CHD5: variants seen among roughly 807,000 people sequenced by gnomAD.
The protein encoded by CHD5 is chromodomain helicase DNA binding protein 5.
A neutral mutation model predicts 230.3 loss-of-function variants in CHD5; 69 were observed. The ratio of observed to expected loss-of-function variants is 0.30; its 90% confidence interval spans 0.25 to 0.37. CHD5 has a LOEUF of 0.37. CHD5 is among the 10% of genes least tolerant of loss of function. The pLI is 1.00. For synonymous variants in CHD5, 1,064 were observed against 1,065.9 expected, an observed-to-expected ratio of 1.00 and a Z score of 0.03; for missense variants, 1,827 against 2,622.8, an observed-to-expected ratio of 0.70 and a Z score of 6.63.
In CHD5 at chr1:6,125,835, T is replaced by C; in HGVS notation, c.4102A>G (p.Asn1368Asp). 6.2e-7 allele frequency: 1 copy of C among 1,612,908 alleles called. No individual in the cohort carries two copies. The highest frequency in any genetic ancestry group is 8.5e-7 in the Non-Finnish European group (1 of 1,179,880). Residue 1368 changes from asparagine (N) to aspartate (D), a missense_variant, in exon 27 of 42, where the codon AAC becomes GAC. Asn to Asp is a conservative substitution (Grantham distance 23). Transcript: ENST00000262450. This position sits in a 1 kb window ranked among gnomAD's most constrained non-coding sequence, Gnocchi z 6.7. ...GAGCCAATGGAATATTCTGACTGGT[T>C]ATCAGAGAGCTCATCCTGCCACTCT... ...DQEWQDELSD[N>D]QSEYSIGSED...
rs182020545 is a variant in CHD5 at position 6,160,121 on chromosome 1, G to A, written c.208-606C>T. Among the ~76,000 whole-genome samples, 1,206 of 130,246 alleles carry A rather than the reference G, an allele frequency of 9.3e-3. 5 individuals carry two copies. The East Asian group carries it at 0.18, about 19-fold the overall frequency. 85.4% of individuals were successfully genotyped at this position (130,246 alleles called of 152,430 possible). A position where few individuals can be genotyped will look rare whatever the true frequency, so the allele number is the denominator to read the frequency against. ...GAACCCCAGCCAGGGAAGGGCCCCA[G>A]CCAGGGAAGGGCCCCAGCCAGGGAA... On this transcript the variant is annotated intron_variant, in intron 2 of 41. Coordinates refer to ENST00000262450, the MANE Select transcript of CHD5 (RefSeq NM_015557.3).
intron 2 of CHD5, among the ~76,000 whole-genome samples, chr1:6,160,599 G>A (rs1667160940): frequency 6.6e-6 from 1 of 152,296 alleles, no homozygotes; most frequent in Admixed American, 6.5e-5. Flanking sequence ...CGTTCGTCAG[G>A]TGAAACCTGT....
rs1666664497 is a variant in CHD5 at position 6,131,928 on chromosome 1, T to C, written c.3145-180A>G. On this transcript the variant is annotated intron_variant, in intron 20 of 41. Transcript: ENST00000262450. This position sits in a 1 kb window ranked among gnomAD's most constrained non-coding sequence, Gnocchi z 5.0. ...AGAACAAAGCTTCCAACCTCACCCCTTGGAGCCAATCCATCCTCCTGCCTA... is the reference window on the plus strand; with the variant it reads ...AGAACAAAGCTTCCAACCTCACCCCCTGGAGCCAATCCATCCTCCTGCCTA... Among the ~76,000 whole-genome samples, 1 of 152,180 alleles carries C rather than the reference T, an allele frequency of 6.6e-6. No individual in the cohort carries two copies. The highest frequency in any genetic ancestry group is 2.4e-5 in the African/African-American group (1 of 41,446).
At position 6,146,862 on chromosome 1, in the gene CHD5, G is replaced by A; in HGVS notation, c.1393C>T (p.Leu465=). Residue 465 remains leucine (L), a synonymous_variant, in exon 10 of 42, where the codon CTG becomes TTG. Coordinates refer to ENST00000262450, the MANE Select transcript of CHD5 (RefSeq NM_015557.3). This position sits in a 1 kb window ranked among gnomAD's most constrained non-coding sequence, Gnocchi z 5.1. ...WLCPRCTCPP[L]KGKVQRILHW... is the part of the protein sequence containing the mutation. ...AGAATCCGCTGGACTTTGCCCTTCA[G>A]TGGGGGGCACTGTGGACAGAGAAGG... The A allele has an allele frequency of 3.3e-6, 5 of 1,512,690 alleles. No individual in the cohort carries two copies. Among genetic ancestry groups the A allele is most frequent in the Non-Finnish European group, 4.4e-6 (5 of 1,127,918 alleles). 93.7% of individuals were successfully genotyped at this position (1,512,690 alleles called of 1,614,324 possible). A position where few individuals can be genotyped will look rare whatever the true frequency, so the allele number is the denominator to read the frequency against.
chr1:6,117,054 C>T (rs186558359), intron 33 of CHD5, among the ~76,000 whole-genome samples: 1 of 151,766 alleles, frequency 6.6e-6, no homozygotes, highest in Admixed American at 6.6e-5. Flanking sequence ...GTTAAGAGTA[C>T]AGAATGAAAT....
intron 38 of CHD5, among the ~76,000 whole-genome samples, chr1:6,107,520 GCGGT>G (rs1666204357): frequency 7.1e-6 from 1 of 140,922 alleles, no homozygotes; most frequent in Non-Finnish European, 1.5e-5. Flanking sequence ...GAGGGATGGA[GCGGT>G]GGAGAGATGG....
intron 1 of CHD5, among the ~76,000 whole-genome samples, chr1:6,170,668 G>A (rs1667323273): frequency 6.6e-6 from 1 of 152,230 alleles, no homozygotes; most frequent in Admixed American, 6.5e-5. Flanking sequence ...GCCGCCCCAG[G>A]TGGGTTTATG....
At chr1:6,116,722 T>C (rs1160185205) in intron 33 of CHD5, among the ~76,000 whole-genome samples, 1 of 152,206 alleles carries the variant, frequency 6.6e-6, no homozygotes, top group African/African-American at 2.4e-5. Flanking sequence ...GTACTAACTA[T>C]TCAAGAGTAA....
At position 6,146,336 on chromosome 1, in the gene CHD5, C is replaced by A; in HGVS notation, c.1678G>T (p.Asp560Tyr). The A allele has an allele frequency of 6.2e-7, 1 of 1,614,186 alleles. No homozygotes were observed. The highest frequency in any genetic ancestry group is 8.5e-7 in the Non-Finnish European group (1 of 1,180,014). ...EPPPFDYGSGDEDGKSEKRKN... is the reference protein window; with the variant it reads ...EPPPFDYGSGYEDGKSEKRKN... Reference sequence around the variant, plus strand: ...CTCTTCTCGCTCTTGCCGTCTTCATCCCCAGAGCCGTAGTCAAAGGGGGGC... The same window carrying A: ...CTCTTCTCGCTCTTGCCGTCTTCATACCCAGAGCCGTAGTCAAAGGGGGGC... The change falls in exon 11 of 42, where the codon GAT becomes TAT. Residue 560 changes from aspartate (D) to tyrosine (Y), a missense_variant. Transcript: ENST00000262450. The surrounding 1 kb of genome is among the most constrained non-coding windows in gnomAD (Gnocchi z 5.1).
chr1:6,160,549 C>G (rs533259701), intron 2 of CHD5, among the ~76,000 whole-genome samples: 70 of 152,388 alleles, frequency 4.6e-4, no homozygotes, highest in African/African-American at 1.6e-3. Context: ...CAGGCCCCAG[C>G]GCCACAGCTC....
rs1031774646 is a variant in CHD5 at position 6,149,672 on chromosome 1, GGATA to G, written c.995-264_995-261del. Among the ~76,000 whole-genome samples, 92 of 152,088 alleles carry G rather than the reference GGATA, an allele frequency of 6.0e-4. 1 individual carries two copies. Among genetic ancestry groups the G allele is most frequent in the African/African-American group, 2.1e-3 (87 of 41,448 alleles). The stretch of plus-strand genomic sequence containing the variant: ...ATGAATGGATAAATGGATGATGGAT[GGATA>G]GACAAATGGATGGATAGATGAATGG... On this transcript the variant is annotated intron_variant, in intron 7 of 41. Transcript: ENST00000262450.
chr1:6,110,418 G>A lies in CHD5; in HGVS notation c.5358C>T (p.Asn1786=), dbSNP rs1342722149. ...VHKGNYLEMK[N]KFLARRFKLL... ...CCTTAAACCTGCGGGCCAGGAACTT[G>A]TTCTTCATCTCCAGGTAGTTGCCCT... The change falls in exon 37 of 42, where the codon AAC becomes AAT. Residue 1786 remains asparagine, a synonymous_variant. Transcript: ENST00000262450. 5 of 1,614,024 alleles carry A rather than the reference G, an allele frequency of 3.1e-6. No individual in the cohort carries two copies. The South Asian group carries it at 5.5e-5, about 18-fold the overall frequency.
chr1:6,148,330 T>C (rs1571159931), intron 9 of CHD5, among the ~76,000 whole-genome samples: 2 of 151,560 alleles, frequency 1.3e-5, no homozygotes, highest in South Asian at 4.2e-4. Context: ...CCTCCTGCCC[T>C]AGAAGCCTCC....
intron 36 of CHD5, among the ~76,000 whole-genome samples, chr1:6,110,821 T>C (rs987474768): frequency 6.6e-6 from 1 of 152,180 alleles, no homozygotes; most frequent in African/African-American, 2.4e-5. Flanking sequence ...CCCCAGTGCC[T>C]GTGAATGGGA....
intron 38 of CHD5, among the ~76,000 whole-genome samples, chr1:6,107,774 TGGAG>T (rs1666215885): frequency 1.3e-5 from 1 of 77,998 alleles, no homozygotes; most frequent in African/African-American, 5.9e-5. Context: ...GATGGAGGGA[TGGAG>T]GGATGATGGA....
At chr1:6,119,027 T>C (rs1187051888) in intron 33 of CHD5, among the ~76,000 whole-genome samples, 1 of 150,402 alleles carries the variant, frequency 6.6e-6, no homozygotes, top group Non-Finnish European at 1.5e-5. Flanking sequence ...GGCTCAACTG[T>C]ATGATATGTT....
intron 12 of CHD5, 33 bp from the exon 13 acceptor site, chr1:6,143,964 G>C: frequency 6.2e-7 from 1 of 1,614,114 alleles, no homozygotes. Flanking sequence ...GGTGAGCAAG[G>C]CTCAGCCCAG....
At chr1:6,162,733 G>C (rs948954727) in intron 2 of CHD5, among the ~76,000 whole-genome samples, 9 of 152,216 alleles carry the variant, frequency 5.9e-5, no homozygotes, top group African/African-American at 2.2e-4. Flanking sequence ...CGACAAGCTG[G>C]AGGGGACACA....
chr1:6,130,312 C>T lies in CHD5; in HGVS notation c.3279G>A (p.Gln1093=), dbSNP rs768793905. 1.2e-6 allele frequency: 2 copies of T among 1,613,824 alleles called. No individual in the cohort carries two copies. The highest frequency in any genetic ancestry group is 1.7e-6 in the Non-Finnish European group (2 of 1,179,892). Residue 1093 remains glutamine, a synonymous_variant, in exon 22 of 42, where the codon CAG becomes CAA. Coordinates refer to ENST00000262450, the MANE Select transcript of CHD5 (RefSeq NM_015557.3). The surrounding 1 kb of genome is among the most constrained non-coding windows in gnomAD (Gnocchi z 4.9). Reference sequence around the variant, plus strand: ...CCCGGGTTGAGAGGAGGAAGCAGAACTGCTGGGCCCCGGGGGCTGAAAAAG... The same window carrying T: ...CCCGGGTTGAGAGGAGGAAGCAGAATTGCTGGGCCCCGGGGGCTGAAAAAG... ...IDRFNAPGAQ[Q]FCFLLSTRAG...
Sources: gnomAD v4.1 joint callset for allele counts (sites outside exome capture counted in the v4.1 genomes callset) on GRCh38, gnomAD v4.1.1 for gene constraint, Gnocchi (gnomAD v3.1) non-coding constraint, MANE v1.5 for transcripts, NCBI Gene and HGNC (gene_info 2026-07-23, HGNC 2026-07-21) for gene names.